Variants in GAPT observed in about 807,000 individuals in gnomAD.
GAPT encodes GRB2 binding adaptor protein, transmembrane.
For missense variants in GAPT, 206 were observed against 189.2 expected, an observed-to-expected ratio of 1.09 and a Z score of -0.52; for synonymous variants, 82 against 69.7, an observed-to-expected ratio of 1.18 and a Z score of -0.88.
chr5:58,494,932 C>CTAT lies in GAPT; in HGVS notation c.400_402dup (p.Tyr134dup), dbSNP rs1744399480. On this transcript the variant is annotated inframe_insertion, in exon 3 of 3. Coordinates refer to ENST00000502276, the MANE Select transcript of GAPT (RefSeq NM_001304431.2). ...TCTATGGAAATGAGACATCTTCTGA[C>CTAT]TATTATAACTTCCAGAAGCCTCGTC... 1 of 1,613,844 alleles carries CTAT rather than the reference C, an allele frequency of 6.2e-7. No individual in the cohort carries two copies. The highest frequency in any genetic ancestry group is 1.3e-5 in the African/African-American group (1 of 75,048).
intron 1 of GAPT, among the ~76,000 whole-genome samples, chr5:58,492,483 G>A (rs1579980868): frequency 1.3e-5 from 2 of 152,022 alleles, no homozygotes; most frequent in Non-Finnish European, 1.5e-5. Context: ...TATAAAGGAG[G>A]GACCCTGCAG....
In GAPT at chr5:58,494,551, T is replaced by C. The variant is rs1231104804; in HGVS notation, c.15T>C (p.Cys5=). Reference sequence around the variant, plus strand: ...TTTGTACAGAAATGTCGAAAAGCTGTGGAAATAATTTAGCGGCCATTTCTG... The same window carrying C: ...TTTGTACAGAAATGTCGAAAAGCTGCGGAAATAATTTAGCGGCCATTTCTG... MSKS[C]GNNLAAISVG... The change falls in exon 3 of 3, where the codon TGT becomes TGC. Residue 5 remains cysteine, a synonymous_variant. Transcript: ENST00000502276. The C allele has an allele frequency of 6.2e-7, 1 of 1,610,010 alleles. No homozygotes were observed. Among genetic ancestry groups the C allele is most frequent in the Non-Finnish European group, 8.5e-7 (1 of 1,177,696 alleles).
rs1442964317 is a variant in GAPT at position 58,496,339 on chromosome 5, T to C, written c.*1329T>C. On this transcript the variant is annotated 3_prime_UTR_variant, in exon 3 of 3. Coordinates refer to ENST00000502276, the MANE Select transcript of GAPT (RefSeq NM_001304431.2). ...AGTTTTGAGAAAAAAATCTAATAAA[T>C]TCATCTGTTATTCATCCATACAAGG... The C allele has an allele frequency of 6.0e-6, 1 of 166,824 alleles. No individual in the cohort carries two copies. Among genetic ancestry groups the C allele is most frequent in the East Asian group, 1.9e-4 (1 of 5,196 alleles). 10.3% of individuals were successfully genotyped at this position (166,824 alleles called of 1,614,324 possible).
At chr5:58,492,852 T>G (rs891050003) in intron 1 of GAPT, among the ~76,000 whole-genome samples, 17 of 152,170 alleles carry the variant, frequency 1.1e-4, no homozygotes, top group African/African-American at 3.9e-4. Flanking sequence ...TCTAATAGAT[T>G]AGTCATTCTG....
Position 58,496,580 on chromosome 5 carries a change from GC to G in GAPT, c.*1571del, listed in dbSNP as rs1044625590. ...ACTCTTTTATTTGCTCCTCTGAATTGCTTGACCTGGGCCTCTGCAAACATTT... is the reference window on the plus strand; with the variant it reads ...ACTCTTTTATTTGCTCCTCTGAATTGTTGACCTGGGCCTCTGCAAACATTT... On this transcript the variant is annotated 3_prime_UTR_variant, in exon 3 of 3. Transcript: ENST00000502276. The G allele has an allele frequency of 1.2e-5, 2 of 167,036 alleles. No homozygotes were observed. Among genetic ancestry groups the G allele is most frequent in the Non-Finnish European group, 2.9e-5 (2 of 68,142 alleles). 10.3% of individuals were successfully genotyped at this position (167,036 alleles called of 1,614,324 possible). A position where few individuals can be genotyped will look rare whatever the true frequency, so the allele number is the denominator to read the frequency against.
At position 58,493,832 on chromosome 5, in the gene GAPT, G is replaced by A. The variant is rs1024390027; in HGVS notation, c.-297G>A. ...GGATAAGCAGGGCTTCACAGAAGAG[G>A]TGACAGGTAATAAAGATGATTGCAC... On this transcript the variant is annotated 5_prime_UTR_variant, in exon 2 of 3. In the 5' UTR this introduces an upstream ATG that the reference lacks. Coordinates refer to ENST00000502276, the MANE Select transcript of GAPT (RefSeq NM_001304431.2). 7.5e-6 allele frequency: 1 copy of A among 133,978 alleles called. No homozygotes were observed. The highest frequency in any genetic ancestry group is 1.6e-5 in the Non-Finnish European group (1 of 61,526). The allele number at this position is 133,978 out of a possible 1,614,324, so 8.3% of individuals were successfully genotyped here.
chr5:58,494,952 C>T lies in GAPT; in HGVS notation c.416C>T (p.Pro139Leu), dbSNP rs1744401008. The T allele has an allele frequency of 1.2e-5, 19 of 1,613,560 alleles. No homozygotes were observed. The highest frequency in any genetic ancestry group is 1.4e-5 in the Non-Finnish European group (17 of 1,179,648). Residue 139 changes from proline (P) to leucine (L), a missense_variant, in exon 3 of 3, where the codon CCT becomes CTT. Physicochemically the swap from Pro to Leu is moderately conservative, Grantham distance 98 (BLOSUM62 -3). Transcript: ENST00000502276. ...TCTGACTATTATAACTTCCAGAAGC[C>T]TCGTCCTTCTGAAGTTCCTCAAGAT... ...TSSDYYNFQK[P>L]RPSEVPQDED...
rs1554038049 is a variant in GAPT, at chr5:58,494,683, G to A, written c.147G>A (p.Arg49=). ...TRFTLPRFLQ[R]RSSRRKVCTK... is the part of the protein sequence containing the mutation. Reference sequence around the variant, plus strand: ...TTACCTTACCGAGGTTTTTACAAAGGAGAAGCAGCAGGAGAAAAGTCTGTA... The same window carrying A: ...TTACCTTACCGAGGTTTTTACAAAGAAGAAGCAGCAGGAGAAAAGTCTGTA... The change falls in exon 3 of 3, where the codon AGG becomes AGA. Residue 49 remains arginine, a synonymous_variant. Coordinates refer to ENST00000502276, the MANE Select transcript of GAPT (RefSeq NM_001304431.2). 3 of 1,614,002 alleles carry A rather than the reference G, an allele frequency of 1.9e-6. No individual in the cohort carries two copies. In the South Asian group the frequency reaches 3.3e-5, roughly 18 times the overall value.
At position 58,495,955 on chromosome 5, in the gene GAPT, C is replaced by G. The variant is rs1303083724; in HGVS notation, c.*945C>G. 1 of 167,070 alleles carries G rather than the reference C, an allele frequency of 6.0e-6. No homozygotes were observed. The allele number at this position is 167,070 out of a possible 1,614,324, so 10.3% of individuals were successfully genotyped here. ...TGACTTCTCTTACTATCTCTCATTT[C>G]TTTGCCTTCAGCAGAATCATCTTAA... On this transcript the variant is annotated 3_prime_UTR_variant, in exon 3 of 3. Coordinates refer to ENST00000502276, the MANE Select transcript of GAPT (RefSeq NM_001304431.2).
In GAPT at chr5:58,494,887, G is replaced by A; in HGVS notation, c.351G>A (p.Gln117=). Residue 117 remains glutamine (Q), a synonymous_variant, in exon 3 of 3, where the codon CAG becomes CAA. Coordinates refer to ENST00000502276, the MANE Select transcript of GAPT (RefSeq NM_001304431.2). ...TDKELYENTG[Q]SNFEEHIYGN... is the part of the protein sequence containing the mutation. ...AGGAACTATATGAAAACACAGGGCA[G>A]TCTAATTTCGAGGAGCATATCTATG... 1 of 1,613,902 alleles carries A rather than the reference G, an allele frequency of 6.2e-7. No individual in the cohort carries two copies. The highest frequency in any genetic ancestry group is 8.5e-7 in the Non-Finnish European group (1 of 1,179,870).
At position 58,495,467 on chromosome 5, in the gene GAPT, T is replaced by C. The variant is rs1334723571; in HGVS notation, c.*457T>C. On this transcript the variant is annotated 3_prime_UTR_variant, in exon 3 of 3. Transcript: ENST00000502276. ...ATTATAATTAAAATATTAAAAATAA[T>C]TCACTGTGATTTTTATTGTACTGAT... 5.9e-6 allele frequency: 1 copy of C among 168,452 alleles called. No individual in the cohort carries two copies. Among genetic ancestry groups the C allele is most frequent in the African/African-American group, 2.4e-5 (1 of 41,442 alleles). The allele number at this position is 168,452 out of a possible 1,614,324, so 10.4% of individuals were successfully genotyped here.
rs370924428 is a variant in GAPT at position 58,494,655 on chromosome 5, G to A, written c.119G>A (p.Arg40Gln). 5.9e-5 allele frequency: 95 copies of A among 1,614,012 alleles called. No homozygotes were observed. Among genetic ancestry groups the A allele is most frequent in the South Asian group, 4.0e-4 (36 of 91,080 alleles). Residue 40 changes from arginine to glutamine, a missense_variant, in exon 3 of 3, where the codon CGA (arginine) becomes CAA (glutamine). Physicochemically the swap from Arg to Gln is conservative, Grantham distance 43. Transcript: ENST00000502276. The part of the protein sequence containing the change: ...VWHWKHRVAT[R>Q]FTLPRFLQRR... ...CACTGGAAACACCGTGTTGCCACAC[G>A]ATTTACCTTACCGAGGTTTTTACAA...
chr5:58,492,872 C>CTGG (rs1221601598), intron 1 of GAPT, among the ~76,000 whole-genome samples: 1 of 152,102 alleles, frequency 6.6e-6, no homozygotes, highest in African/African-American at 2.4e-5. Flanking sequence ...GTGTCTAATG[C>CTGG]TGGTGTTGGT....
At chr5:58,491,993 A>G (rs775403750) in intron 1 of GAPT, among the ~76,000 whole-genome samples, 3 of 152,132 alleles carry the variant, frequency 2.0e-5, no homozygotes, top group African/African-American at 7.2e-5. Context: ...TTTTTCCTCT[A>G]ATGTTATTTC....
chr5:58,495,202 A>G lies in GAPT; in HGVS notation c.*192A>G. 2 of 547,156 alleles carry G rather than the reference A, an allele frequency of 3.7e-6. No homozygotes were observed. The highest frequency in any genetic ancestry group is 3.2e-6 in the Non-Finnish European group (1 of 310,480). The allele number at this position is 547,156 out of a possible 1,614,324, so 33.9% of individuals were successfully genotyped here. ...CTAACATGGGAACAGAAAATCAAAT[A>G]CCACATATTCTCACTTAAAAGTGGG... is the stretch of plus-strand genomic sequence containing the variant. On this transcript the variant is annotated 3_prime_UTR_variant, in exon 3 of 3. Coordinates refer to ENST00000502276, the MANE Select transcript of GAPT (RefSeq NM_001304431.2).
intron 1 of GAPT, among the ~76,000 whole-genome samples, 158 bp downstream of exon 1, chr5:58,491,699 T>C (rs78796993): frequency 0.022 from 3,402 of 152,300 alleles, 120 homozygotes; most frequent in African/African-American, 0.077. Context: ...CTGAGAGTGA[T>C]GTTAATGTTT....
In GAPT at chr5:58,494,808, A is replaced by G. The variant is rs137973375; in HGVS notation, c.272A>G (p.Asp91Gly). ...GCTGTCAGGGGAAATAACACACACGACAACTATGAAAATGTGGAAGCAGGT... is the reference window on the plus strand; with the variant it reads ...GCTGTCAGGGGAAATAACACACACGGCAACTATGAAAATGTGGAAGCAGGT... ...KSAVRGNNTHDNYENVEAGPP... is the reference protein window; with the variant it reads ...KSAVRGNNTHGNYENVEAGPP... Residue 91 changes from aspartate to glycine, a missense_variant, in exon 3 of 3, where the codon GAC (aspartate) becomes GGC (glycine). By Grantham distance (94) the Asp-to-Gly change is moderately conservative (BLOSUM62 -1). Coordinates refer to ENST00000502276, the MANE Select transcript of GAPT (RefSeq NM_001304431.2). The G allele has an allele frequency of 1.2e-3, 1,955 of 1,614,056 alleles. 3 individuals are homozygous for G. The highest frequency in any genetic ancestry group is 1.5e-3 in the Non-Finnish European group (1,804 of 1,179,980).
Position 58,494,759 on chromosome 5 carries a change from G to A in GAPT, c.223G>A (p.Val75Ile). 5.6e-6 allele frequency: 9 copies of A among 1,613,962 alleles called. No homozygotes were observed. Among genetic ancestry groups the A allele is most frequent in the Non-Finnish European group, 7.6e-6 (9 of 1,179,960 alleles). The change falls in exon 3 of 3, where the codon GTT becomes ATT. Residue 75 changes from valine to isoleucine, a missense_variant. Physicochemically the swap from Val to Ile is conservative, Grantham distance 29. Transcript: ENST00000502276. ...RIIGLRHEIS[V>I]ETQDHKSAVR... ...CATTGGCTTAAGGCATGAAATCTCA[G>A]TTGAAACCCAAGACCACAAATCTGC...
Position 58,495,065 on chromosome 5 carries a change from C to A in GAPT, c.*55C>A. 2 of 1,165,160 alleles carry A rather than the reference C, an allele frequency of 1.7e-6. No homozygotes were observed. The highest frequency in any genetic ancestry group is 2.4e-6 in the Non-Finnish European group (2 of 816,400). The allele number at this position is 1,165,160 out of a possible 1,614,324, so 72.2% of individuals were successfully genotyped here. The stretch of plus-strand genomic sequence containing the variant: ...ATGATAAATATTCACTGTAATTTTT[C>A]AACAGCAAAGACAAGGAATCAAACT... On this transcript the variant is annotated 3_prime_UTR_variant, in exon 3 of 3. Transcript: ENST00000502276.
Sources: allele counts gnomAD v4.1 joint callset (sites outside exome capture counted in the v4.1 genomes callset), GRCh38; gene constraint gnomAD v4.1.1; transcripts MANE v1.5; gene names NCBI Gene and HGNC (gene_info 2026-07-23, HGNC 2026-07-21).